Variants in RTN3 observed in about 807,000 individuals in gnomAD.
RTN3 encodes the protein reticulon-3.
RTN3 carries 49 observed loss-of-function variants against 77.8 expected under a neutral mutation model. The ratio of observed to expected loss-of-function variants is 0.63; its 90% CI spans 0.50 to 0.80. The LOEUF (loss-of-function observed/expected upper bound fraction) is 0.80. Among genes scored for constraint, RTN3 ranks in the 30% least tolerant of loss-of-function variants. The pLI is 0.00. For missense variants in RTN3, 1,236 were observed against 1,211.9 expected (o/e 1.02, Z -0.29); for synonymous variants, 464 against 446.9 (o/e 1.04, Z -0.48).
intron 1 of RTN3, among the ~76,000 whole-genome samples, chr11:63,702,692 G>GTT (rs111756056): frequency 2.2e-5 from 3 of 135,712 alleles, no homozygotes; most frequent in African/African-American, 5.4e-5. Context: ...TTGTTTTTTT[G>GTT]TTTTTTTTTT....
chr11:63,747,146 A>G (rs2013845059), intron 3 of RTN3: 3 of 394,466 alleles, frequency 7.6e-6, no homozygotes, highest in South Asian at 3.7e-5. Context: ...TGCAGGTTAC[A>G]TGTTTTGGGC....
intron 1 of RTN3, among the ~76,000 whole-genome samples, 153 bp from the exon 2 acceptor site, chr11:63,704,698 A>G (rs1942412230): frequency 6.6e-6 from 1 of 152,176 alleles, no homozygotes; most frequent in African/African-American, 2.4e-5. Flanking sequence ...CAGGTGAGTG[A>G]AAACAATAAT....
intron 3 of RTN3, among the ~76,000 whole-genome samples, chr11:63,729,462 TTG>T (rs2012533747): frequency 7.1e-6 from 1 of 141,432 alleles, no homozygotes; most frequent in African/African-American, 2.7e-5. Flanking sequence ...TTTTTTTTGT[TTG>T]TTTGAGACAG....
At chr11:63,688,476 C>T (rs1312370515) in intron 1 of RTN3, among the ~76,000 whole-genome samples, 3 of 152,118 alleles carry the variant, frequency 2.0e-5, no homozygotes, top group Non-Finnish European at 4.4e-5. Flanking sequence ...CCAGCCTTGG[C>T]TTCCCAAAGT....
intron 3 of RTN3, among the ~76,000 whole-genome samples, chr11:63,740,695 G>A (rs1246726073): frequency 1.3e-5 from 2 of 151,818 alleles, no homozygotes; most frequent in Admixed American, 6.6e-5. Flanking sequence ...ACTTCCCAAA[G>A]TGCTGGGATT....
chr11:63,724,673 A>G (rs2134932411), intron 3 of RTN3, among the ~76,000 whole-genome samples: 1 of 151,800 alleles, frequency 6.6e-6, no homozygotes, highest in Admixed American at 6.6e-5. Context: ...TTGTATTATT[A>G]GTAAAGACGG....
intron 3 of RTN3, among the ~76,000 whole-genome samples, chr11:63,729,968 ATT>A: frequency 6.6e-6 from 1 of 151,446 alleles, no homozygotes; most frequent in Non-Finnish European, 1.5e-5. Flanking sequence ...AATTAATTTT[ATT>A]TTTATTTATT....
chr11:63,686,073 A>G (rs1941354058), intron 1 of RTN3, among the ~76,000 whole-genome samples: 1 of 152,220 alleles, frequency 6.6e-6, no homozygotes, highest in East Asian at 1.9e-4. Flanking sequence ...TTCAGTGTTC[A>G]TTTCAGAGCA....
At chr11:63,687,566 C>T (rs1326779431) in intron 1 of RTN3, among the ~76,000 whole-genome samples, 2 of 150,916 alleles carry the variant, frequency 1.3e-5, no homozygotes, top group Non-Finnish European at 1.5e-5. Context: ...GCCAAGATAG[C>T]GCCATTGCAC....
At chr11:63,698,640 CTT>C (rs1363763502) in intron 1 of RTN3, 1 of 175,714 alleles carries the variant, frequency 5.7e-6, no homozygotes, top group African/African-American at 2.4e-5. Flanking sequence ...ACCTGGGAAA[CTT>C]AACATGATCT....
intron 1 of RTN3, among the ~76,000 whole-genome samples, chr11:63,700,293 T>TTTTTTTTTTA (rs397723588): frequency 1.3e-5 from 2 of 150,632 alleles, no homozygotes; most frequent in Non-Finnish European, 3.0e-5. Context: ...TTTTTTTTTT[T>TTTTTTTTTTA]AAGGTAAGGT....
chr11:63,695,958 T>TTTATTACA (rs1390158141), intron 1 of RTN3, among the ~76,000 whole-genome samples: 3 of 152,194 alleles, frequency 2.0e-5, no homozygotes, highest in African/African-American at 7.2e-5. Flanking sequence ...AATATTCTTT[T>TTTATTACA]TTATTAGAAT....
intron 2 of RTN3, among the ~76,000 whole-genome samples, chr11:63,706,928 ACT>A (rs1942524762): frequency 7.5e-6 from 1 of 133,936 alleles, no homozygotes; most frequent in Non-Finnish European, 1.6e-5. Flanking sequence ...ATGGAGTCTT[ACT>A]CTGTCACCCA....
intron 2 of RTN3, among the ~76,000 whole-genome samples, chr11:63,706,276 A>G (rs1017003078): frequency 4.6e-5 from 7 of 152,084 alleles, no homozygotes; most frequent in Non-Finnish European, 5.9e-5. Context: ...TGCAGCCTCA[A>G]TCTCCTGGGT....
Position 63,715,682 on chromosome 11 carries a change from A to C in RTN3, c.200-3020A>C, listed in dbSNP as rs192454671. 2.4e-3 allele frequency among the ~76,000 whole-genome samples: 364 copies of C among 152,168 alleles called. 4 individuals carry two copies. Among genetic ancestry groups the C allele is most frequent in the African/African-American group, 7.6e-3 (315 of 41,540 alleles). On this transcript the variant is annotated intron_variant, in intron 2 of 8. Transcript: ENST00000377819. ...AAAAAAAACACACAAAAAACACACAAAAAAACATATAAGCTGAACCTCCCC... is the reference window on the plus strand; with the variant it reads ...AAAAAAAACACACAAAAAACACACACAAAAACATATAAGCTGAACCTCCCC...
chr11:63,681,721 G>A lies in RTN3; in HGVS notation c.85G>A (p.Gly29Arg). 1 of 1,610,002 alleles carries A rather than the reference G, an allele frequency of 6.2e-7. No homozygotes were observed. Among genetic ancestry groups the A allele is most frequent in the Non-Finnish European group, 8.5e-7 (1 of 1,178,632 alleles). Residue 29 changes from glycine to arginine, a missense_variant, in exon 1 of 9, where the codon GGG (glycine) becomes AGG (arginine). By Grantham distance (125) the Gly-to-Arg change is moderately radical. Transcript: ENST00000377819. ...CGAGCCGTCCGCGCCCGGCGGCGGCGGGAGCCCAGGAGCCTGCCCCGCCCT... is the reference window on the plus strand; with the variant it reads ...CGAGCCGTCCGCGCCCGGCGGCGGCAGGAGCCCAGGAGCCTGCCCCGCCCT... Reference protein sequence around the residue: ...GAEPSAPGGGGSPGACPALGT... With the variant: ...GAEPSAPGGGRSPGACPALGT...
rs75523067 is a variant in RTN3 at position 63,704,885 on chromosome 11, A to C, written c.177A>C (p.Val59=). 1,290 of 1,612,224 alleles carry C rather than the reference A, an allele frequency of 8.0e-4. 12 individuals carry two copies. The East Asian group carries it at 0.022, about 27-fold the overall frequency. ...TTTCTTCCTCTTCCTCTCAGCCTGT[A>C]TCTCTATTTTCGACCTCACAAGGCA... The part of the protein sequence containing the change: ...SFVSSSSSQP[V]SLFSTSQEGL... Residue 59 remains valine, a synonymous_variant, in exon 2 of 9, where the codon GTA becomes GTC. Coordinates refer to ENST00000377819, the MANE Select transcript of RTN3 (RefSeq NM_001265589.2).
chr11:63,696,222 C>A (rs1941933099), intron 1 of RTN3, among the ~76,000 whole-genome samples: 1 of 151,388 alleles, frequency 6.6e-6, no homozygotes, highest in Non-Finnish European at 1.5e-5. Flanking sequence ...CATGGTGAAA[C>A]CCCGTCTCTA....
chr11:63,695,295 CT>C (rs915074147), intron 1 of RTN3, among the ~76,000 whole-genome samples: 2 of 151,712 alleles, frequency 1.3e-5, no homozygotes, highest in East Asian at 1.9e-4. Context: ...TAATTTTTTT[CT>C]TTTTTTTCCC....
Sources: gnomAD v4.1 joint callset for allele counts (sites outside exome capture counted in the v4.1 genomes callset) on GRCh38, gnomAD v4.1.1 for gene constraint, MANE v1.5 for transcripts, NCBI Gene and HGNC (gene_info 2026-07-23, HGNC 2026-07-21) for gene names.